The following ACTR3C variants were observed in gnomAD, a reference collection of about 807,000 sequenced individuals.
The protein encoded by ACTR3C is actin-related protein 3C.
Under a neutral mutation model 26.3 loss-of-function variants are expected in ACTR3C, and 18 were observed. The observed-to-expected ratio is 0.68, with a 90% CI of 0.47 to 1.01. The LOEUF is 1.01. Ranked by LOEUF, ACTR3C falls within the 50% of genes least tolerant of loss-of-function variation. The pLI, the probability that ACTR3C is intolerant of heterozygous loss-of-function variation, is 0.00. For synonymous variants in ACTR3C, 55 were observed against 94.5 expected, an observed-to-expected ratio of 0.58 and a Z score of 2.42; for missense variants, 184 against 250.7, an observed-to-expected ratio of 0.73 and a Z score of 1.80.
chr7:150,054,255 A>G, the ACTR3C span, among the ~76,000 whole-genome samples: 2 of 152,202 alleles, frequency 1.3e-5, no homozygotes, highest in Non-Finnish European at 2.9e-5. Flanking sequence ...TCAAAACTGT[A>G]ACAGACTGGA....
rs147062621 is a variant in ACTR3C, at chr7:150,316,698, A to T, written c.-52+6771T>A. On this transcript the variant is annotated intron_variant, in intron 1 of 7. Transcript: ENST00000683684. ...ACGGGGTTTCACCATGTTGGCCAGG[A>T]TGGTCTCTATCTCTTGACCTCGTGA... is the stretch of plus-strand genomic sequence containing the variant. Among the ~76,000 whole-genome samples, 1,422 of 151,886 alleles carry T rather than the reference A, an allele frequency of 9.4e-3. 23 individuals are homozygous for T. Among genetic ancestry groups the T allele is most frequent in the African/African-American group, 0.033 (1,353 of 41,420 alleles).
At chr7:150,197,225 C>T in the ACTR3C span, among the ~76,000 whole-genome samples, 1 of 152,132 alleles carries the variant, frequency 6.6e-6, no homozygotes, top group African/African-American at 2.4e-5. Flanking sequence ...CCTGGATTCA[C>T]AAAGAAAAAG....
the ACTR3C span, among the ~76,000 whole-genome samples, chr7:149,894,747 T>C: frequency 6.9e-4 from 104 of 151,752 alleles, no homozygotes; most frequent in Non-Finnish European, 1.1e-3. Context: ...TAAGTGTTGG[T>C]GATGGTGTGA....
chr7:150,039,958 G>A, the ACTR3C span, among the ~76,000 whole-genome samples: 10 of 130,250 alleles, frequency 7.7e-5, no homozygotes, highest in Admixed American at 4.7e-4. Context: ...GGGGAGGTTC[G>A]CAGTCCCCGC....
At chr7:150,094,526 G>A in the ACTR3C span, among the ~76,000 whole-genome samples, 3 of 150,504 alleles carry the variant, frequency 2.0e-5, no homozygotes, top group South Asian at 2.1e-4. Flanking sequence ...CTGCTACCTC[G>A]TATGTGCCAG....
chr7:150,137,987 A>G, the ACTR3C span, among the ~76,000 whole-genome samples: 1 of 152,196 alleles, frequency 6.6e-6, no homozygotes, highest in Non-Finnish European at 1.5e-5. Flanking sequence ...TAACCAAGAC[A>G]TGAAACACAG....
At chr7:149,948,564 G>A in the ACTR3C span, among the ~76,000 whole-genome samples, 3 of 151,334 alleles carry the variant, frequency 2.0e-5, no homozygotes, top group African/African-American at 7.4e-5. Context: ...AGGCCCGCTG[G>A]CTGGAACGTT....
the ACTR3C span, among the ~76,000 whole-genome samples, chr7:149,945,386 G>A: frequency 6.6e-6 from 1 of 151,674 alleles, no homozygotes; most frequent in East Asian, 1.9e-4. Context: ...GCTTCCCGTC[G>A]AACACAACTG....
At chr7:150,142,675 C>T in the ACTR3C span, among the ~76,000 whole-genome samples, 1 of 149,282 alleles carries the variant, frequency 6.7e-6, no homozygotes, top group South Asian at 2.1e-4. Flanking sequence ...ATTACAGACG[C>T]CCACCACCAC....
chr7:150,198,402 C>G, the ACTR3C span, among the ~76,000 whole-genome samples: 1 of 146,398 alleles, frequency 6.8e-6, no homozygotes, highest in Non-Finnish European at 1.5e-5. Context: ...AAGTGAGGAG[C>G]GCCTCTTCCC....
intron 6 of ACTR3C, among the ~76,000 whole-genome samples, chr7:150,265,202 C>T (rs1344894949): frequency 6.6e-6 from 1 of 151,660 alleles, no homozygotes; most frequent in African/African-American, 2.4e-5. Flanking sequence ...TGGTAAGTGA[C>T]CATTACATCT....
At chr7:150,156,427 A>C in the ACTR3C span, among the ~76,000 whole-genome samples, 1 of 152,142 alleles carries the variant, frequency 6.6e-6, no homozygotes, top group Non-Finnish European at 1.5e-5. Flanking sequence ...TCACTAAATT[A>C]ATGTTTAAAC....
the ACTR3C span, among the ~76,000 whole-genome samples, chr7:149,995,672 A>T: frequency 6.6e-6 from 1 of 152,252 alleles, no homozygotes; most frequent in Admixed American, 6.5e-5. Flanking sequence ...AGAACACCAC[A>T]TGGCATTCAG....
the ACTR3C span, among the ~76,000 whole-genome samples, chr7:150,089,381 T>G: frequency 5.9e-5 from 9 of 152,210 alleles, no homozygotes; most frequent in African/African-American, 2.2e-4. Context: ...CATGCAATCA[T>G]TTTTCATTGC....
At chr7:150,293,091 C>A (rs1836417025) in intron 3 of ACTR3C, among the ~76,000 whole-genome samples, 1 of 151,762 alleles carries the variant, frequency 6.6e-6, no homozygotes, top group Non-Finnish European at 1.5e-5. Flanking sequence ...ATTGCCAAAG[C>A]CACAATAATT....
the ACTR3C span, among the ~76,000 whole-genome samples, chr7:150,103,353 A>G: frequency 6.6e-6 from 1 of 152,080 alleles, no homozygotes; most frequent in Non-Finnish European, 1.5e-5. Flanking sequence ...CAAGGTTCCC[A>G]GCTTGACCTT....
At chr7:150,139,972 G>GCA in the ACTR3C span, among the ~76,000 whole-genome samples, 3,814 of 151,648 alleles carry the variant, frequency 0.025, 95 homozygotes, top group African/African-American at 0.087. Context: ...ACACAAATAT[G>GCA]CACACACACA....
At chr7:150,152,552 T>C in the ACTR3C span, among the ~76,000 whole-genome samples, 8 of 152,216 alleles carry the variant, frequency 5.3e-5, no homozygotes, top group Admixed American at 2.6e-4. Flanking sequence ...CAGTATTTTA[T>C]TGAGGATTTT....
chr7:149,905,692 T>C, the ACTR3C span, among the ~76,000 whole-genome samples: 1 of 150,280 alleles, frequency 6.7e-6, no homozygotes, highest in South Asian at 2.1e-4. Context: ...TAATGAAAGG[T>C]GCTCAACCTT....
Sources: allele counts gnomAD v4.1 joint callset (sites outside exome capture counted in the v4.1 genomes callset), GRCh38; gene constraint gnomAD v4.1.1; transcripts MANE v1.5; gene names NCBI Gene and HGNC (gene_info 2026-07-23, HGNC 2026-07-21).